PLD5: variants seen among roughly 807,000 people sequenced by gnomAD.
PLD5 encodes inactive phospholipase D5.
A neutral mutation model predicts 61.1 loss-of-function variants in PLD5; 36 were observed. The observed-to-expected ratio is 0.59, with a 90% confidence interval of 0.45 to 0.78. The LOEUF (loss-of-function observed/expected upper bound fraction) is 0.78, where lower values mean the gene tolerates loss of function less well. Ranked by LOEUF, PLD5 falls within the 30% of genes least tolerant of loss-of-function variation. PLD5 has a pLI of 0.00. For missense variants in PLD5, 515 were observed against 644.4 expected, an observed-to-expected ratio of 0.80 and a Z score of 2.17; for synonymous variants, 243 against 242.8, an observed-to-expected ratio of 1.00 and a Z score of -0.01.
rs139365602 is a variant in PLD5, at chr1:242,183,570, T to C, written c.735+36418A>G. On this transcript the variant is annotated intron_variant, in intron 5 of 9. Transcript: ENST00000536534. ...CTTGGATCACAGTACCCTTCGTGTC[T>C]CAATTATTGTTTCATGACATCCCTA... 2.4e-3 allele frequency among the ~76,000 whole-genome samples: 358 copies of C among 152,268 alleles called. 5 individuals are homozygous for C. Among genetic ancestry groups the C allele is most frequent in the African/African-American group, 7.6e-3 (316 of 41,550 alleles).
At chr1:242,294,537 A>C (rs1056802750) in intron 2 of PLD5, among the ~76,000 whole-genome samples, 10 of 152,326 alleles carry the variant, frequency 6.6e-5, no homozygotes, top group Admixed American at 3.9e-4. Context: ...TGATACCTTC[A>C]TACTTGATTT....
intron 1 of PLD5, among the ~76,000 whole-genome samples, chr1:242,474,242 A>G (rs1381741691): frequency 6.6e-6 from 1 of 152,208 alleles, no homozygotes. Flanking sequence ...TTCAAGTGCC[A>G]CTGGCCATCC....
intron 4 of PLD5, among the ~76,000 whole-genome samples, chr1:242,257,956 A>G (rs935098931): frequency 1.2e-4 from 18 of 152,088 alleles, no homozygotes; most frequent in Admixed American, 1.3e-4. Context: ...TTTTAGAACC[A>G]AGCTCTCATG....
intron 1 of PLD5, chr1:242,449,491 C>T: frequency 6.6e-7 from 1 of 1,520,776 alleles, no homozygotes; most frequent in East Asian, 2.5e-5. Context: ...CCACCGATTA[C>T]ATTTCAGTCC....
rs1663109655 is a variant in PLD5 at position 242,393,617 on chromosome 1, T to C, written c.190-45375A>G. 2.1e-5 allele frequency among the ~76,000 whole-genome samples: 2 copies of C among 96,200 alleles called. 1 individual carries two copies. The highest frequency in any genetic ancestry group is 8.1e-4 in the South Asian group (2 of 2,472). 63.1% of individuals were successfully genotyped at this position (96,200 alleles called of 152,430 possible). Reference sequence around the variant, plus strand: ...GTGTATATATATGAGCATATATGTGTATATATATGAGTATATATATGTGTA... The same window carrying C: ...GTGTATATATATGAGCATATATGTGCATATATATGAGTATATATATGTGTA... On this transcript the variant is annotated intron_variant, in intron 1 of 9. Coordinates refer to ENST00000536534, the MANE Select transcript of PLD5 (RefSeq NM_001372062.1).
intron 9 of PLD5, among the ~76,000 whole-genome samples, chr1:242,092,623 C>G (rs986088157): frequency 2.6e-5 from 4 of 152,150 alleles, no homozygotes; most frequent in African/African-American, 7.2e-5. Flanking sequence ...TCCGTCCCCT[C>G]TGCAGCAACT....
At chr1:242,457,763 C>T (rs551162977) in intron 1 of PLD5, among the ~76,000 whole-genome samples, 1 of 152,222 alleles carries the variant, frequency 6.6e-6, no homozygotes, top group Non-Finnish European at 1.5e-5. Flanking sequence ...CCGGCTCAAC[C>T]TCTGCCTCCT....
At chr1:242,215,072 T>G (rs1670077708) in intron 5 of PLD5, among the ~76,000 whole-genome samples, 1 of 146,452 alleles carries the variant, frequency 6.8e-6, no homozygotes, top group Non-Finnish European at 1.5e-5. Context: ...GTATTTTTAG[T>G]AGAGACGGGG....
chr1:242,163,827 G>T (rs763662024), intron 5 of PLD5, among the ~76,000 whole-genome samples: 1 of 152,078 alleles, frequency 6.6e-6, no homozygotes, highest in Non-Finnish European at 1.5e-5. Flanking sequence ...AGGGAGAGAC[G>T]GGTAACAAGG....
At chr1:242,353,398 CTA>C (rs1491279501) in intron 1 of PLD5, among the ~76,000 whole-genome samples, 1 of 152,054 alleles carries the variant, frequency 6.6e-6, no homozygotes, top group Non-Finnish European at 1.5e-5. Flanking sequence ...TTTGCCAGTA[CTA>C]TGTTGCTTTA....
chr1:242,275,901 A>G (rs1040783608), intron 3 of PLD5, among the ~76,000 whole-genome samples: 31 of 152,324 alleles, frequency 2.0e-4, no homozygotes, highest in African/African-American at 7.2e-4. Context: ...TGAAGCATTT[A>G]ACCCAGTGAA....
At chr1:242,348,022 T>C in intron 2 of PLD5, 84 bp downstream of exon 2, 16 of 1,524,152 alleles carry the variant, frequency 1.0e-5, no homozygotes, top group Non-Finnish European at 1.4e-5. Flanking sequence ...CGTGTGTTTA[T>C]GTATTCTCTT....
At chr1:242,136,483 C>T (rs59126721) in intron 5 of PLD5, among the ~76,000 whole-genome samples, 1,961 of 152,238 alleles carry the variant, frequency 0.013, 41 homozygotes, top group African/African-American at 0.044. Context: ...GGTGTTCCAA[C>T]GTCGTTTGAG....
Position 242,085,197 on chromosome 1 carries a change from C to T in PLD5, c.*4657G>A, listed in dbSNP as rs1488779283. Reference sequence around the variant, plus strand: ...CAGAATTAGAAGTTTAGTAGTTGAACATAGCAAAAGAAAATGTGTAATAGT... The same window carrying T: ...CAGAATTAGAAGTTTAGTAGTTGAATATAGCAAAAGAAAATGTGTAATAGT... On this transcript the variant is annotated 3_prime_UTR_variant, in exon 10 of 10. Coordinates refer to ENST00000536534, the MANE Select transcript of PLD5 (RefSeq NM_001372062.1). 6.6e-6 allele frequency: 1 copy of T among 151,712 alleles called. No homozygotes were observed. Among genetic ancestry groups the T allele is most frequent in the Non-Finnish European group, 1.5e-5 (1 of 67,934 alleles). 9.4% of individuals were successfully genotyped at this position (151,712 alleles called of 1,614,324 possible). A position where few individuals can be genotyped will look rare whatever the true frequency, so the allele number is the denominator to read the frequency against.
intron 9 of PLD5, among the ~76,000 whole-genome samples, chr1:242,099,701 G>A (rs1215495936): frequency 6.6e-6 from 1 of 152,160 alleles, no homozygotes; most frequent in Non-Finnish European, 1.5e-5. Context: ...TATTGGTGAT[G>A]TTGCGAAGAG....
At chr1:242,154,109 A>C (rs1235392607) in intron 5 of PLD5, among the ~76,000 whole-genome samples, 3 of 152,192 alleles carry the variant, frequency 2.0e-5, no homozygotes, top group African/African-American at 7.2e-5. Flanking sequence ...TCTTTGAAGC[A>C]ATTGTGAATG....
At chr1:242,497,615 T>C (rs1290983605) in intron 1 of PLD5, among the ~76,000 whole-genome samples, 1 of 152,228 alleles carries the variant, frequency 6.6e-6, no homozygotes, top group Non-Finnish European at 1.5e-5. Context: ...CTCTGTTTTC[T>C]AAGCATGAAA....
chr1:242,346,559 C>T (rs7536459), intron 2 of PLD5, among the ~76,000 whole-genome samples: 2 of 152,178 alleles, frequency 1.3e-5, no homozygotes, highest in African/African-American at 4.8e-5. Flanking sequence ...ACTGTTCTTC[C>T]ATTGCTTTCA....
chr1:242,281,910 AAAGT>A (rs1028202017), intron 3 of PLD5, among the ~76,000 whole-genome samples: 3 of 152,304 alleles, frequency 2.0e-5, no homozygotes, highest in South Asian at 2.1e-4. Context: ...AAATCAAATG[AAAGT>A]AAGAATTCCA....
Sources: allele counts gnomAD v4.1 joint callset (sites outside exome capture counted in the v4.1 genomes callset), GRCh38; gene constraint gnomAD v4.1.1; transcripts MANE v1.5; gene names NCBI Gene and HGNC (gene_info 2026-07-23, HGNC 2026-07-21).